Variants in MICU1 observed in about 807,000 individuals in gnomAD.
MICU1 encodes the protein mitochondrial calcium uptake 1, also known as calcium uptake protein 1, mitochondrial.
In MICU1, 45 loss-of-function variants were observed where a neutral mutation model predicts 56.8. The observed-to-expected ratio is 0.79, with a 90% CI of 0.62 to 1.02. MICU1 has a LOEUF of 1.02. Among genes scored for constraint, MICU1 ranks in the 50% least tolerant of loss-of-function variants. The pLI is 0.00. For synonymous variants in MICU1, 186 were observed against 195.1 expected, an observed-to-expected ratio of 0.95 and a Z score of 0.39; for missense variants, 504 against 587.1, an observed-to-expected ratio of 0.86 and a Z score of 1.46.
chr10:72,597,058 G>C (rs766390555), intron 1 of MICU1, among the ~76,000 whole-genome samples: 7 of 152,060 alleles, frequency 4.6e-5, no homozygotes, highest in Non-Finnish European at 8.8e-5. Context: ...TGGGAACTCT[G>C]TACTTTTTGC....
At chr10:72,429,861 T>C (rs1320957377) in intron 8 of MICU1, among the ~76,000 whole-genome samples, 1 of 152,232 alleles carries the variant, frequency 6.6e-6, no homozygotes, top group Non-Finnish European at 1.5e-5. Flanking sequence ...CAATGCTATA[T>C]AATAGGTAAT....
At chr10:72,502,146 G>GGTT (rs1554881976) in intron 6 of MICU1, among the ~76,000 whole-genome samples, 2 of 88,374 alleles carry the variant, frequency 2.3e-5, no homozygotes, top group Non-Finnish European at 6.3e-5. Flanking sequence ...TTGTTTTGCT[G>GGTT]TTTTTTTTTT....
intron 8 of MICU1, among the ~76,000 whole-genome samples, chr10:72,444,800 C>G: frequency 6.6e-6 from 1 of 152,138 alleles, no homozygotes; most frequent in South Asian, 2.1e-4. Flanking sequence ...GGGTACACTG[C>G]GTTTGCTCAA....
intron 10 of MICU1, among the ~76,000 whole-genome samples, chr10:72,404,429 G>A (rs76150833): frequency 0.03 from 4,595 of 152,256 alleles, 230 homozygotes; most frequent in African/African-American, 0.11. Flanking sequence ...AAAGGTATGA[G>A]CAGAAATCAA....
chr10:72,564,169 G>A (rs1840368074), intron 2 of MICU1, among the ~76,000 whole-genome samples: 1 of 152,128 alleles, frequency 6.6e-6, no homozygotes, highest in African/African-American at 2.4e-5. Flanking sequence ...CTTCCTACCA[G>A]GGCAAAAATA....
chr10:72,527,027 A>T (rs563289113), intron 5 of MICU1, among the ~76,000 whole-genome samples: 4 of 152,182 alleles, frequency 2.6e-5, no homozygotes, highest in Admixed American at 1.3e-4. Context: ...AGTAAAATTG[A>T]TATTCTGATT....
intron 1 of MICU1, among the ~76,000 whole-genome samples, chr10:72,586,911 A>G (rs1010219311): frequency 2.0e-5 from 3 of 152,164 alleles, no homozygotes; most frequent in Non-Finnish European, 4.4e-5. Context: ...CCATAAGGGG[A>G]AAATAACACT....
intron 8 of MICU1, among the ~76,000 whole-genome samples, chr10:72,471,455 G>C (rs747489850): frequency 6.6e-6 from 1 of 152,232 alleles, no homozygotes; most frequent in Non-Finnish European, 1.5e-5. Flanking sequence ...CCTATGCTCT[G>C]TTTCTCTAGG....
At chr10:72,565,349 T>G (rs1244885866) in intron 2 of MICU1, among the ~76,000 whole-genome samples, 2 of 151,986 alleles carry the variant, frequency 1.3e-5, no homozygotes, top group African/African-American at 4.8e-5. Flanking sequence ...GGGACATGGA[T>G]GAAGCTGGAA....
intron 6 of MICU1, among the ~76,000 whole-genome samples, chr10:72,504,433 A>G (rs1280156858): frequency 6.6e-6 from 1 of 152,170 alleles, no homozygotes; most frequent in Non-Finnish European, 1.5e-5. Context: ...TATGCAGAAG[A>G]ATGAAACTGG....
At chr10:72,586,001 C>CTTTTTTTTTTTGTTTTTTTTTTTTTTTT (rs1431354386) in intron 1 of MICU1, among the ~76,000 whole-genome samples, 1 of 101,998 alleles carries the variant, frequency 9.8e-6, no homozygotes, top group Non-Finnish European at 2.1e-5. Flanking sequence ...TTTATTTTTT[C>CTTTTTTTTTTTGTTTTTTTTTTTTTTTT]TTTTTTTTTT....
At chr10:72,535,048 G>T (rs1385079788) in intron 4 of MICU1, among the ~76,000 whole-genome samples, 4 of 37,026 alleles carry the variant, frequency 1.1e-4, no homozygotes, top group South Asian at 5.5e-4. Context: ...TATTTATTTT[G>T]AAACAGAGTC....
At chr10:72,567,950 C>A (rs1280997425) in intron 1 of MICU1, among the ~76,000 whole-genome samples, 1 of 152,032 alleles carries the variant, frequency 6.6e-6, no homozygotes, top group Non-Finnish European at 1.5e-5. Context: ...TAACTGGTAC[C>A]CATATTTTAC....
intron 1 of MICU1, among the ~76,000 whole-genome samples, chr10:72,617,648 A>G (rs1434274141): frequency 1.3e-5 from 2 of 152,214 alleles, no homozygotes; most frequent in African/African-American, 4.8e-5. Flanking sequence ...CCTGTGCAAC[A>G]TATCAAGACC....
intron 10 of MICU1, among the ~76,000 whole-genome samples, chr10:72,384,141 G>A (rs1173889936): frequency 1.3e-5 from 2 of 152,050 alleles, no homozygotes; most frequent in Admixed American, 6.6e-5. Context: ...CTACAGGCTC[G>A]CGCCACCATG....
intron 5 of MICU1, among the ~76,000 whole-genome samples, chr10:72,523,302 G>C (rs996978035): frequency 6.6e-6 from 1 of 152,110 alleles, no homozygotes; most frequent in Non-Finnish European, 1.5e-5. Flanking sequence ...TGATCTATTC[G>C]GTACTCTGTA....
At chr10:72,606,776 A>G (rs1439274616) in intron 1 of MICU1, among the ~76,000 whole-genome samples, 2 of 152,126 alleles carry the variant, frequency 1.3e-5, no homozygotes, top group Non-Finnish European at 2.9e-5. Flanking sequence ...CCATGTGATT[A>G]GAAAGTTGGT....
At chr10:72,596,165 T>C (rs1841374920) in intron 1 of MICU1, among the ~76,000 whole-genome samples, 2 of 152,056 alleles carry the variant, frequency 1.3e-5, no homozygotes, top group South Asian at 2.1e-4. Flanking sequence ...TTTGTATTTT[T>C]AGTAGAGATG....
rs1381708175 is a variant in MICU1 at position 72,434,228 on chromosome 10, C to T, written c.934-10857G>A. On this transcript the variant is annotated intron_variant, in intron 8 of 11. Transcript: ENST00000361114. ...ATCCATATTCTAACATTTATAACGG[C>T]AAACATTTACATAGCACTTATTATG... is the stretch of plus-strand genomic sequence containing the variant. 2.0e-5 allele frequency among the ~76,000 whole-genome samples: 3 copies of T among 152,054 alleles called. No individual in the cohort carries two copies. The East Asian group carries it at 5.8e-4, about 29-fold the overall frequency.
Sources: gnomAD v4.1 joint callset for allele counts (sites outside exome capture counted in the v4.1 genomes callset) on GRCh38, gnomAD v4.1.1 for gene constraint, MANE v1.5 for transcripts, NCBI Gene and HGNC (gene_info 2026-07-23, HGNC 2026-07-21) for gene names.